NTM: variants seen among roughly 807,000 people sequenced by gnomAD.
The protein encoded by NTM is IgLON family member 2.
In NTM, 13 loss-of-function variants were observed where a neutral mutation model predicts 42.1. The observed-to-expected ratio is 0.31, with a 90% CI of 0.20 to 0.49. The LOEUF (loss-of-function observed/expected upper bound fraction) is 0.49, where lower values mean the gene tolerates loss of function less well. Among genes scored for constraint, NTM ranks in the 20% least tolerant of loss-of-function variants. The probability of loss-of-function intolerance (pLI) is 0.99; values close to 1 mark genes in which losing one functional copy is unlikely to be tolerated. For missense variants in NTM, 373 were observed against 452.8 expected, an observed-to-expected ratio of 0.82 and a Z score of 1.60; for synonymous variants, 187 against 179.2, an observed-to-expected ratio of 1.04 and a Z score of -0.35.
At chr11:131,433,165 T>C (rs1483861937) in intron 1 of NTM, among the ~76,000 whole-genome samples, 1 of 152,180 alleles carries the variant, frequency 6.6e-6, no homozygotes, top group East Asian at 1.9e-4. Flanking sequence ...CCTAGCATTC[T>C]TAAACCTGTC....
At chr11:131,651,870 A>T (rs1268271229) in intron 1 of NTM, among the ~76,000 whole-genome samples, 2 of 151,800 alleles carry the variant, frequency 1.3e-5, no homozygotes, top group Admixed American at 1.3e-4. Context: ...AGAAAAAAAA[A>T]AATATCATAA....
In NTM at chr11:131,789,860, G is replaced by A. The variant is rs1347860973; in HGVS notation, c.83-121704G>A. On this transcript the variant is annotated intron_variant, in intron 1 of 8. Transcript: ENST00000683400. ...AGTCCCAGCTACACGGGAGGCTGAG[G>A]CAGGAGAATGGCGTGAACCCGGGAG... Among the ~76,000 whole-genome samples, 3 of 149,386 alleles carry A rather than the reference G, an allele frequency of 2.0e-5. No homozygotes were observed. In the East Asian group the frequency reaches 6.1e-4, roughly 30 times the overall value.
intron 3 of NTM, among the ~76,000 whole-genome samples, chr11:132,175,293 C>G (rs2076641819): frequency 6.6e-6 from 1 of 152,128 alleles, no homozygotes; most frequent in Non-Finnish European, 1.5e-5. Context: ...TCTTGTCTCT[C>G]TGTCACCTCA....
rs867773717 is a variant in NTM at position 131,832,201 on chromosome 11, A to C, written c.83-79363A>C. ...GGGTGTTAGAAGAGAAAAAAAAAAA[A>C]AACAGAGTTCATATGTATGCGTGAT... is the stretch of plus-strand genomic sequence containing the variant. On this transcript the variant is annotated intron_variant, in intron 1 of 8. Transcript: ENST00000683400. Among the ~76,000 whole-genome samples the C allele has an allele frequency of 8.1e-3, 1,230 of 151,780 alleles. 18 individuals are homozygous for C. Among genetic ancestry groups the C allele is most frequent in the African/African-American group, 0.029 (1,186 of 41,458 alleles).
intron 4 of NTM, among the ~76,000 whole-genome samples, chr11:132,253,389 C>T (rs1463116893): frequency 6.6e-6 from 1 of 152,184 alleles, no homozygotes; most frequent in Non-Finnish European, 1.5e-5. Context: ...CATCCAAGGT[C>T]TGGCTAACTC....
chr11:131,442,918 G>T (rs1949742323), intron 1 of NTM, among the ~76,000 whole-genome samples: 1 of 151,980 alleles, frequency 6.6e-6, no homozygotes. Flanking sequence ...CTTTACTATT[G>T]TGAGTAGTGT....
chr11:132,264,285 G>A (rs1305515336), intron 4 of NTM, among the ~76,000 whole-genome samples: 1 of 152,014 alleles, frequency 6.6e-6, no homozygotes, highest in East Asian at 1.9e-4. Context: ...TATATTTATT[G>A]GATATTTGTA....
At chr11:132,026,192 A>G (rs2075151631) in intron 2 of NTM, among the ~76,000 whole-genome samples, 1 of 152,194 alleles carries the variant, frequency 6.6e-6, no homozygotes, top group Admixed American at 6.5e-5. Flanking sequence ...AATTATTATA[A>G]TTATTGCTAA....
At chr11:131,456,189 T>C (rs1478370079) in intron 1 of NTM, among the ~76,000 whole-genome samples, 1 of 152,228 alleles carries the variant, frequency 6.6e-6, no homozygotes, top group Non-Finnish European at 1.5e-5. Context: ...GTGACAATGG[T>C]AGGTAAAACT....
intron 1 of NTM, among the ~76,000 whole-genome samples, chr11:131,399,872 C>T (rs1342688521): frequency 3.3e-5 from 5 of 152,104 alleles, no homozygotes; most frequent in African/African-American, 1.2e-4. Context: ...CCTCTTTTGC[C>T]CATGTGCTTG....
At chr11:131,539,837 G>A (rs2052920155) in intron 1 of NTM, among the ~76,000 whole-genome samples, 1 of 152,186 alleles carries the variant, frequency 6.6e-6, no homozygotes, top group Non-Finnish European at 1.5e-5. Context: ...CTAGGAGAAT[G>A]AGAGGCCCTA....
At chr11:132,039,745 C>T (rs987278479) in intron 2 of NTM, among the ~76,000 whole-genome samples, 2 of 152,150 alleles carry the variant, frequency 1.3e-5, no homozygotes, top group Non-Finnish European at 2.9e-5. Context: ...AATAAGACAG[C>T]AGCAGGAATG....
At chr11:132,187,955 A>C (rs1328635595) in intron 3 of NTM, among the ~76,000 whole-genome samples, 4 of 152,190 alleles carry the variant, frequency 2.6e-5, no homozygotes, top group Admixed American at 1.3e-4. Context: ...GACTTCCAAA[A>C]TGGAAAATGA....
intron 3 of NTM, among the ~76,000 whole-genome samples, chr11:132,206,223 C>T (rs1027054319): frequency 1.2e-4 from 19 of 152,044 alleles, no homozygotes; most frequent in Admixed American, 7.2e-4. Flanking sequence ...TAAAAAATTA[C>T]GACATTTCTT....
At chr11:131,664,064 TG>T (rs780376430) in intron 1 of NTM, among the ~76,000 whole-genome samples, 3 of 152,226 alleles carry the variant, frequency 2.0e-5, no homozygotes, top group Non-Finnish European at 4.4e-5. Flanking sequence ...CCCCTCTAGC[TG>T]TGCAGAGCAA....
chr11:131,483,253 C>T (rs1276394712), intron 1 of NTM, among the ~76,000 whole-genome samples: 1 of 152,158 alleles, frequency 6.6e-6, no homozygotes, highest in Admixed American at 6.5e-5. Context: ...TCCAACTTTC[C>T]TAATGAGTTT....
chr11:131,901,785 GACA>G (rs1030159561), intron 1 of NTM, among the ~76,000 whole-genome samples: 1 of 152,198 alleles, frequency 6.6e-6, no homozygotes, highest in Non-Finnish European at 1.5e-5. Flanking sequence ...CATGCACGTT[GACA>G]ACATTTTCCA....
intron 1 of NTM, among the ~76,000 whole-genome samples, chr11:131,474,682 T>C (rs978711733): frequency 1.3e-5 from 2 of 152,184 alleles, no homozygotes; most frequent in African/African-American, 4.8e-5. Context: ...CCGTGCTCCA[T>C]TCTCCAGTCT....
chr11:131,963,712 C>T (rs1036336158), intron 2 of NTM, among the ~76,000 whole-genome samples: 1 of 152,230 alleles, frequency 6.6e-6, no homozygotes, highest in Admixed American at 6.5e-5. Flanking sequence ...GTAATTGTTT[C>T]TGCCCTGACA....
Sources: allele counts gnomAD v4.1 joint callset (sites outside exome capture counted in the v4.1 genomes callset), GRCh38; gene constraint gnomAD v4.1.1; transcripts MANE v1.5; gene names NCBI Gene and HGNC (gene_info 2026-07-23, HGNC 2026-07-21).